PCDHA4: variants seen among roughly 807,000 people sequenced by gnomAD.
PCDHA4 encodes the protein protocadherin alpha-4.
In PCDHA4, 49 loss-of-function variants were observed where a neutral mutation model predicts 61.4. The ratio of observed to expected loss-of-function variants is 0.80; its 90% CI spans 0.63 to 1.01. The LOEUF is 1.01. Among genes scored for constraint, PCDHA4 ranks in the 50% least tolerant of loss-of-function variants. The pLI is 0.00. For missense variants in PCDHA4, 1,254 were observed against 1,235.8 expected (o/e 1.01, Z -0.22); for synonymous variants, 590 against 550.3 (o/e 1.07, Z -1.01).
At chr5:140,913,288 T>C (rs1452332608) in intron 1 of PCDHA4, among the ~76,000 whole-genome samples, 1 of 152,172 alleles carries the variant, frequency 6.6e-6, no homozygotes, top group Non-Finnish European at 1.5e-5. Context: ...GTTTAGGTTT[T>C]AATTTCTTCA....
At chr5:140,979,690 A>G (rs2096860224) in intron 2 of PCDHA4, among the ~76,000 whole-genome samples, 1 of 152,252 alleles carries the variant, frequency 6.6e-6, no homozygotes, top group Non-Finnish European at 1.5e-5. Context: ...ATTAACTACC[A>G]TTATTTCTGG....
chr5:140,941,573 C>T (rs1220556647), intron 1 of PCDHA4, among the ~76,000 whole-genome samples: 1 of 152,108 alleles, frequency 6.6e-6, no homozygotes, highest in African/African-American at 2.4e-5. Flanking sequence ...CCTCAGCCTC[C>T]CAAAGTGCTG....
intron 1 of PCDHA4, among the ~76,000 whole-genome samples, chr5:140,826,740 T>C (rs2150145244): frequency 7.9e-5 from 12 of 152,076 alleles, no homozygotes; most frequent in African/African-American, 2.7e-4. Context: ...GTCTATATTG[T>C]CAGAAAAATA....
At chr5:140,850,796 C>T (rs1344673921) in intron 1 of PCDHA4, 7 of 1,598,190 alleles carry the variant, frequency 4.4e-6, no homozygotes, top group African/African-American at 1.3e-5. Context: ...AGCAGAAGAC[C>T]GACCTCATGG....
intron 1 of PCDHA4, chr5:140,824,634 T>TTTTTTTTTTTTTTTTG: frequency 8.7e-6 from 1 of 115,218 alleles, no homozygotes; most frequent in African/African-American, 4.3e-5. Context: ...TTTTTTTTTA[T>TTTTTTTTTTTTTTTTG]TTTCTGTAGA....
In PCDHA4 at chr5:140,869,244, C is replaced by G. The variant is rs782454826; in HGVS notation, c.2385+59672C>G. 5.6e-6 allele frequency: 9 copies of G among 1,613,658 alleles called. 1 individual carries two copies. In the South Asian group the frequency reaches 7.7e-5, roughly 14 times the overall value. ...CCAAACACGGCACCTTCGTGGGCCG[C>G]ATCGCGCAGGACCTGGGGCTGGAGC... On this transcript the variant is annotated intron_variant, in intron 1 of 3. Coordinates refer to ENST00000530339, the MANE Select transcript of PCDHA4 (RefSeq NM_018907.4).
Position 140,848,616 on chromosome 5 carries a change from C to T in PCDHA4, c.2385+39044C>T, listed in dbSNP as rs1196599675. ...CTACTCCGTCCCGGAGGAAGCCGAA[C>T]ACGGCACCTTCGTGGGCCGCATCGC... On this transcript the variant is annotated intron_variant, in intron 1 of 3. Transcript: ENST00000530339. 1.3e-5 allele frequency: 21 copies of T among 1,593,464 alleles called. 4 individuals carry two copies. The highest frequency in any genetic ancestry group is 1.8e-5 in the Non-Finnish European group (21 of 1,163,958).
intron 1 of PCDHA4, chr5:140,858,909 C>T (rs2150442831): frequency 5.4e-6 from 1 of 185,188 alleles, no homozygotes; most frequent in South Asian, 1.1e-4. Flanking sequence ...CGTACCACAG[C>T]TTATACTGCC....
At chr5:140,899,795 G>A (rs551068307) in intron 1 of PCDHA4, among the ~76,000 whole-genome samples, 59 of 152,222 alleles carry the variant, frequency 3.9e-4, no homozygotes, top group Non-Finnish European at 7.5e-4. Flanking sequence ...ATTCGGCTGT[G>A]AATCCAATAT....
chr5:140,865,649 T>C (rs781986812), intron 1 of PCDHA4: 5 of 152,204 alleles, frequency 3.3e-5, no homozygotes, highest in Non-Finnish European at 5.9e-5. Flanking sequence ...AATACATTAT[T>C]TCATTTAATA....
chr5:140,844,193 C>G (rs2150369320), intron 1 of PCDHA4, among the ~76,000 whole-genome samples: 1 of 149,542 alleles, frequency 6.7e-6, no homozygotes, highest in East Asian at 1.9e-4. Flanking sequence ...TCTTATCTGA[C>G]TTTTTAGTGT....
chr5:140,807,928 T>C lies in PCDHA4; in HGVS notation c.741T>C (p.Tyr247=), dbSNP rs1183816260. ...DNAPAFDRTI[Y]KVRLLENVPN... ...CCCCAGCTTTTGACAGAACCATTTA[T>C]AAGGTGAGATTACTAGAAAATGTTC... The change falls in exon 1 of 4, where the codon TAT becomes TAC. Residue 247 remains tyrosine, a synonymous_variant. Coordinates refer to ENST00000530339, the MANE Select transcript of PCDHA4 (RefSeq NM_018907.4). The C allele has an allele frequency of 1.2e-6, 2 of 1,614,026 alleles. No homozygotes were observed. Among genetic ancestry groups the C allele is most frequent in the African/African-American group, 2.7e-5 (2 of 74,914 alleles).
rs782421802 is a variant in PCDHA4, at chr5:140,862,804, C to T, written c.2385+53232C>T. The T allele has an allele frequency of 7.0e-6, 4 of 574,030 alleles. No individual in the cohort carries two copies. The African/African-American group carries it at 7.9e-5, about 11-fold the overall frequency. The allele number at this position is 574,030 out of a possible 1,614,324, so 35.6% of individuals were successfully genotyped here. On this transcript the variant is annotated intron_variant, in intron 1 of 3. Coordinates refer to ENST00000530339, the MANE Select transcript of PCDHA4 (RefSeq NM_018907.4). ...ACTGGACTACGAGGAGCTGGAGCTG[C>T]TGCAGTTCTAGGTGAGAGCGCGCGA...
chr5:140,987,012 G>A (rs2097222470), intron 3 of PCDHA4, among the ~76,000 whole-genome samples: 1 of 151,994 alleles, frequency 6.6e-6, no homozygotes. Context: ...TCATGAGTTC[G>A]AGACCAGCCT....
chr5:140,851,802 T>G (rs1303108162), intron 1 of PCDHA4: 1 of 945,220 alleles, frequency 1.1e-6, no homozygotes, highest in Admixed American at 6.3e-5. Flanking sequence ...GTTCTGTCAG[T>G]AATCCATAAG....
intron 1 of PCDHA4, among the ~76,000 whole-genome samples, chr5:140,885,056 C>T (rs1554181973): frequency 6.6e-6 from 1 of 152,106 alleles, no homozygotes; most frequent in East Asian, 1.9e-4. Flanking sequence ...TATACATATA[C>T]CCACAAGATA....
At position 140,848,200 on chromosome 5, in the gene PCDHA4, A is replaced by G. The variant is rs1011742191; in HGVS notation, c.2385+38628A>G. On this transcript the variant is annotated intron_variant, in intron 1 of 3. Transcript: ENST00000530339. ...AGAAACGGGATCTTCTGTTTCAACA[A>G]TCATTACTTAAGAAAAAATTAAGAA... is the stretch of plus-strand genomic sequence containing the variant. 48 of 323,068 alleles carry G rather than the reference A, an allele frequency of 1.5e-4. 5 individuals carry two copies. Among genetic ancestry groups the G allele is most frequent in the Non-Finnish European group, 1.1e-5 (2 of 175,496 alleles). 20.0% of individuals were successfully genotyped at this position (323,068 alleles called of 1,614,324 possible). A position where few individuals can be genotyped will look rare whatever the true frequency, so the allele number is the denominator to read the frequency against.
At chr5:140,949,117 T>C (rs1295254726) in intron 1 of PCDHA4, among the ~76,000 whole-genome samples, 2 of 151,762 alleles carry the variant, frequency 1.3e-5, no homozygotes, top group Admixed American at 6.6e-5. Context: ...CAAATATTTT[T>C]GGTTTTCCTA....
chr5:140,869,178 G>T (rs200717410), intron 1 of PCDHA4: 1 of 1,613,988 alleles, frequency 6.2e-7, no homozygotes, highest in East Asian at 2.2e-5. Flanking sequence ...AATTCTGGGA[G>T]GTGGGGAGCG....
Sources: gnomAD v4.1 joint callset for allele counts (sites outside exome capture counted in the v4.1 genomes callset) on GRCh38, gnomAD v4.1.1 for gene constraint, MANE v1.5 for transcripts, NCBI Gene and HGNC (gene_info 2026-07-23, HGNC 2026-07-21) for gene names.